Variants in PIK3C2G observed in about 807,000 individuals in gnomAD.
PIK3C2G encodes the protein phosphatidylinositol-4-phosphate 3-kinase catalytic subunit type 2 gamma.
Under a neutral mutation model 181.1 loss-of-function variants are expected in PIK3C2G, and 168 were observed. That is an observed-to-expected ratio of 0.93 (90% CI 0.82 to 1.05). PIK3C2G has a LOEUF of 1.05. Ranked by LOEUF, PIK3C2G falls within the 50% of genes least tolerant of loss-of-function variation. The pLI is 0.00. For missense variants in PIK3C2G, 1,869 were observed against 1,732.8 expected (o/e 1.08, Z -1.40); for synonymous variants, 573 against 592.2 (o/e 0.97, Z 0.47).
At chr12:18,499,269 C>T (rs1941241435) in intron 22 of PIK3C2G, among the ~76,000 whole-genome samples, 1 of 152,134 alleles carries the variant, frequency 6.6e-6, no homozygotes, top group South Asian at 2.1e-4. Context: ...AATAATTCTT[C>T]AAGAAAAATA....
At chr12:18,309,134 TA>T (rs75255113) in intron 5 of PIK3C2G, among the ~76,000 whole-genome samples, 94,008 of 151,036 alleles carry the variant, frequency 0.62, 29,340 homozygotes, top group East Asian at 0.75. Flanking sequence ...ATGTGGAATA[TA>T]AAAAAAAATC....
chr12:18,684,426 T>G, the PIK3C2G span: 1 of 693,000 alleles, frequency 1.4e-6, no homozygotes, highest in East Asian at 2.7e-5. Flanking sequence ...ATATACTCAG[T>G]GTGAGAGGAA....
intron 29 of PIK3C2G, among the ~76,000 whole-genome samples, chr12:18,594,052 T>C (rs1947224854): frequency 6.6e-6 from 1 of 151,974 alleles, no homozygotes; most frequent in South Asian, 2.1e-4. Context: ...TAGTCAGTAC[T>C]CAGCGAGTAT....
chr12:18,659,894 A>G, the PIK3C2G span, among the ~76,000 whole-genome samples: 2 of 152,148 alleles, frequency 1.3e-5, no homozygotes, highest in Non-Finnish European at 2.9e-5. Context: ...AAGAAATGCT[A>G]AAGGGAGTCC....
chr12:18,248,952 C>CT (rs534858971), intron 1 of PIK3C2G, among the ~76,000 whole-genome samples: 117 of 152,012 alleles, frequency 7.7e-4, no homozygotes, highest in African/African-American at 2.5e-3. Context: ...CTGTAAGGTG[C>CT]TTTTTTTTGT....
intron 1 of PIK3C2G, among the ~76,000 whole-genome samples, chr12:18,263,431 A>G (rs1487694452): frequency 6.6e-6 from 1 of 152,082 alleles, no homozygotes; most frequent in Non-Finnish European, 1.5e-5. Context: ...ATATATGTTC[A>G]TTGAATTAAG....
At chr12:18,449,347 C>T (rs766471389) in intron 18 of PIK3C2G, among the ~76,000 whole-genome samples, 2 of 151,860 alleles carry the variant, frequency 1.3e-5, no homozygotes, top group Admixed American at 6.6e-5. Flanking sequence ...AGGTTTGTTA[C>T]GTAGGTATAC....
At chr12:18,298,365 G>C (rs1191270875) in intron 5 of PIK3C2G, among the ~76,000 whole-genome samples, 2 of 147,644 alleles carry the variant, frequency 1.4e-5, no homozygotes, top group African/African-American at 4.9e-5. Context: ...CCCACTTTTT[G>C]ATGGGATTAT....
intron 14 of PIK3C2G, among the ~76,000 whole-genome samples, chr12:18,386,273 A>C (rs2138008607): frequency 6.6e-6 from 1 of 152,268 alleles, no homozygotes; most frequent in African/African-American, 2.4e-5. Flanking sequence ...GTTTCTTTTA[A>C]AAAACAGCTT....
At chr12:18,339,995 G>T (rs1358864272) in intron 9 of PIK3C2G, among the ~76,000 whole-genome samples, 1 of 151,960 alleles carries the variant, frequency 6.6e-6, no homozygotes, top group Admixed American at 6.6e-5. Flanking sequence ...TCTTAATAAG[G>T]AAACACCTTC....
chr12:18,353,801 G>A (rs1940455537), intron 11 of PIK3C2G, among the ~76,000 whole-genome samples: 1 of 152,124 alleles, frequency 6.6e-6, no homozygotes, highest in Non-Finnish European at 1.5e-5. Context: ...CTTTACCAAG[G>A]CCTCTCAGCC....
At chr12:18,354,520 G>A (rs962736260) in intron 11 of PIK3C2G, among the ~76,000 whole-genome samples, 3 of 152,216 alleles carry the variant, frequency 2.0e-5, no homozygotes, top group Admixed American at 6.5e-5. Context: ...CAAAGGTCTG[G>A]ATTGCCCTGC....
rs377517959 is a variant in PIK3C2G at position 18,509,109 on chromosome 12, T to A, written c.3323+3648T>A. Among the ~76,000 whole-genome samples the A allele has an allele frequency of 3.7e-4, 57 of 152,262 alleles. No homozygotes were observed. The East Asian group carries it at 0.011, about 29-fold the overall frequency. On this transcript the variant is annotated intron_variant, in intron 24 of 32. Transcript: ENST00000538779. ...CTCTGTCACCGAGGCTGGAGTGCAG[T>A]GGCACAATCTCAGCTCACTGAAATC...
chr12:18,719,935 A>C, the PIK3C2G span, among the ~76,000 whole-genome samples: 2 of 152,112 alleles, frequency 1.3e-5, no homozygotes, highest in African/African-American at 4.8e-5. Flanking sequence ...CAAGCTACAC[A>C]TCTGGATGAC....
Position 18,427,628 on chromosome 12 carries a change from T to C in PIK3C2G, c.2504+3589T>C, listed in dbSNP as rs144846810. Among the ~76,000 whole-genome samples the C allele has an allele frequency of 7.6e-3, 1,161 of 152,182 alleles. 16 individuals carry two copies. Among genetic ancestry groups the C allele is most frequent in the African/African-American group, 0.027 (1,105 of 41,526 alleles). The stretch of plus-strand genomic sequence containing the variant: ...TCAGTAAGTTCTTCATTTGCTAAAG[T>C]TGTATGAAAAGTGGAGTCATTTGAA... On this transcript the variant is annotated intron_variant, in intron 18 of 32. Transcript: ENST00000538779.
At chr12:18,596,619 G>A (rs1455853045) in intron 30 of PIK3C2G, among the ~76,000 whole-genome samples, 4 of 152,118 alleles carry the variant, frequency 2.6e-5, no homozygotes, top group South Asian at 2.1e-4. Flanking sequence ...AATTGTCAGG[G>A]TTAAGAGGAT....
the PIK3C2G span, chr12:18,685,575 C>T: frequency 1.4e-5 from 7 of 497,004 alleles, no homozygotes; most frequent in African/African-American, 3.9e-5. Context: ...ACATTTACCA[C>T]ATAGCAATCT....
rs1332957535 is a variant in PIK3C2G, at chr12:18,274,322, T to C, written c.-78-7682T>C. On this transcript the variant is annotated intron_variant, in intron 1 of 32. Coordinates refer to ENST00000538779, the MANE Select transcript of PIK3C2G (RefSeq NM_001288772.2). ...TACTGGGTATATACCCAAAGGATTATAAATCATGCTGCTATAAAGACACAT... is the reference window on the plus strand; with the variant it reads ...TACTGGGTATATACCCAAAGGATTACAAATCATGCTGCTATAAAGACACAT... Among the ~76,000 whole-genome samples the C allele has an allele frequency of 4.6e-5, 7 of 152,208 alleles. No homozygotes were observed. In the East Asian group the frequency reaches 5.8e-4, roughly 13 times the overall value.
chr12:18,651,623 TTCTAGACCACAG>T (rs1950522932), downstream of PIK3C2G, among the ~76,000 whole-genome samples: 1 of 152,042 alleles, frequency 6.6e-6, no homozygotes, highest in Non-Finnish European at 1.5e-5. Context: ...AAAGCCCTCA[TTCTAGACCACAG>T]TCTAGGTACC....
Sources: allele counts gnomAD v4.1 joint callset (sites outside exome capture counted in the v4.1 genomes callset), GRCh38; gene constraint gnomAD v4.1.1; transcripts MANE v1.5; gene names NCBI Gene and HGNC (gene_info 2026-07-23, HGNC 2026-07-21).